ZNF420: variants seen among roughly 807,000 people sequenced by gnomAD.
The protein encoded by ZNF420 is zinc finger protein 420.
In ZNF420, 31 loss-of-function variants were observed where a neutral mutation model predicts 44.7. That is an observed-to-expected ratio of 0.69 (90% CI 0.52 to 0.94). ZNF420 has a LOEUF of 0.94. Among genes scored for constraint, ZNF420 ranks in the 40% least tolerant of loss-of-function variants. The probability of loss-of-function intolerance (pLI) is 0.00; values close to 1 mark genes in which losing one functional copy is unlikely to be tolerated. For synonymous variants in ZNF420, 245 were observed against 267.4 expected, an observed-to-expected ratio of 0.92 and a Z score of 0.82; for missense variants, 681 against 827.9, an observed-to-expected ratio of 0.82 and a Z score of 2.18.
At chr19:37,098,199 G>A (rs967663479) in intron 4 of ZNF420, among the ~76,000 whole-genome samples, 1 of 152,058 alleles carries the variant, frequency 6.6e-6, no homozygotes, top group Non-Finnish European at 1.5e-5. Context: ...CAATCTACCT[G>A]CCTTGGCCTC....
chr19:37,014,401 C>T (rs2074594217), intron 1 of ZNF420, among the ~76,000 whole-genome samples: 1 of 152,200 alleles, frequency 6.6e-6, no homozygotes, highest in South Asian at 2.1e-4. Context: ...CCCCATGGGA[C>T]CCGATTTCTG....
chr19:37,031,179 T>A (rs548755354), intron 1 of ZNF420, among the ~76,000 whole-genome samples: 35 of 152,188 alleles, frequency 2.3e-4, no homozygotes, highest in Non-Finnish European at 3.4e-4. Context: ...AGACTGAGCT[T>A]AGAGAAGAAC....
chr19:37,116,387 A>T (rs1255955432), intron 4 of ZNF420, among the ~76,000 whole-genome samples: 1 of 147,306 alleles, frequency 6.8e-6, no homozygotes, highest in Non-Finnish European at 1.5e-5. Flanking sequence ...AAAAAAAAAA[A>T]AAAGAATGCA....
chr19:37,079,553 A>G (rs897655675), intron 1 of ZNF420, among the ~76,000 whole-genome samples: 1 of 152,168 alleles, frequency 6.6e-6, no homozygotes, highest in Non-Finnish European at 1.5e-5. Flanking sequence ...TTACGAGTTC[A>G]CGACTTCTTC....
At chr19:37,109,943 TTTTG>T (rs1970298699) in intron 4 of ZNF420, 1 of 151,918 alleles carries the variant, frequency 6.6e-6, no homozygotes, top group Non-Finnish European at 1.5e-5. Context: ...TCCCCCTTCT[TTTTG>T]TTTAACTAAT....
At chr19:37,089,530 A>G (rs1969016857) in intron 3 of ZNF420, among the ~76,000 whole-genome samples, 1 of 152,206 alleles carries the variant, frequency 6.6e-6, no homozygotes. Context: ...GCAAGCGCTC[A>G]TGCTTTATGA....
At chr19:37,096,759 A>G (rs1969476591) in intron 4 of ZNF420, among the ~76,000 whole-genome samples, 1 of 151,982 alleles carries the variant, frequency 6.6e-6, no homozygotes, top group African/African-American at 2.4e-5. Context: ...CATCTGTCAT[A>G]TTTTTCCAGT....
At chr19:37,010,071 G>T (rs1209608284) in intron 1 of ZNF420, among the ~76,000 whole-genome samples, 1 of 152,210 alleles carries the variant, frequency 6.6e-6, no homozygotes, top group South Asian at 2.1e-4. Context: ...TAGGCAATGC[G>T]CATGCCCGAG....
intron 1 of ZNF420, among the ~76,000 whole-genome samples, chr19:37,062,240 A>T (rs909612530): frequency 6.6e-6 from 1 of 152,234 alleles, no homozygotes; most frequent in African/African-American, 2.4e-5. Flanking sequence ...AATATATTTA[A>T]GTGTAAGTAT....
intron 4 of ZNF420, among the ~76,000 whole-genome samples, chr19:37,118,289 A>G (rs2145273744): frequency 6.6e-6 from 1 of 152,356 alleles, no homozygotes; most frequent in Middle Eastern, 3.4e-3. Flanking sequence ...CAGAAACTCT[A>G]CAAGCCAGAA....
intron 4 of ZNF420, among the ~76,000 whole-genome samples, chr19:37,118,232 G>T (rs1970805992): frequency 6.6e-6 from 1 of 152,296 alleles, no homozygotes; most frequent in Non-Finnish European, 1.5e-5. Flanking sequence ...AGAAAGGTCA[G>T]GTTACCCACA....
chr19:37,073,565 C>T (rs1204840945), upstream of ZNF420, among the ~76,000 whole-genome samples: 1 of 151,606 alleles, frequency 6.6e-6, no homozygotes, highest in Admixed American at 6.6e-5. Context: ...ATGGTGAAAC[C>T]CTGTCTCTAC....
At chr19:37,077,261 G>A (rs192651082), upstream of ZNF420, among the ~76,000 whole-genome samples, 212 of 152,312 alleles carry the variant, frequency 1.4e-3, 3 homozygotes, top group African/African-American at 5.0e-3. Context: ...GTTTGACCTA[G>A]AATTTGGGAA....
intron 1 of ZNF420, among the ~76,000 whole-genome samples, chr19:37,071,769 C>G (rs1968062208): frequency 6.6e-6 from 1 of 151,856 alleles, no homozygotes. Context: ...CCACTGCACT[C>G]CAGCCTGGGC....
chr19:37,090,852 G>A lies in ZNF420; in HGVS notation c.10-143G>A, dbSNP rs1969093972. Reference sequence around the variant, plus strand: ...GGAGAATTGCTTGAACCTAGGAGGCGGAGGTTGCAGCGTGCCGAGATCGCG... The same window carrying A: ...GGAGAATTGCTTGAACCTAGGAGGCAGAGGTTGCAGCGTGCCGAGATCGCG... On this transcript the variant is annotated intron_variant, in intron 3 of 4. Transcript: ENST00000337995. 43 of 715,010 alleles carry A rather than the reference G, an allele frequency of 6.0e-5. No individual in the cohort carries two copies. In the South Asian group the frequency reaches 6.5e-4, roughly 11 times the overall value. 44.3% of individuals were successfully genotyped at this position (715,010 alleles called of 1,614,324 possible).
chr19:37,115,307 C>G (rs969107645), intron 4 of ZNF420: 1 of 152,958 alleles, frequency 6.5e-6, no homozygotes, highest in African/African-American at 2.4e-5. Context: ...GAAAAGTGGG[C>G]CCAGGGGACC....
At chr19:37,108,660 C>T (rs1970225457) in intron 4 of ZNF420, among the ~76,000 whole-genome samples, 1 of 152,160 alleles carries the variant, frequency 6.6e-6, no homozygotes, top group Non-Finnish European at 1.5e-5. Flanking sequence ...GGACCAGAAA[C>T]AGGACTTATT....
chr19:37,106,869 T>A (rs1599690156), intron 4 of ZNF420: 2 of 151,814 alleles, frequency 1.3e-5, no homozygotes, highest in South Asian at 4.2e-4. Context: ...GGGGAGAGGG[T>A]CAGCGGGAAA....
intron 1 of ZNF420, among the ~76,000 whole-genome samples, chr19:37,061,652 A>T (rs1309964095): frequency 6.6e-6 from 1 of 152,228 alleles, no homozygotes. Context: ...ATGTCTTTTT[A>T]TAAAAGAGCC....
Sources: gnomAD v4.1 joint callset for allele counts (sites outside exome capture counted in the v4.1 genomes callset) on GRCh38, gnomAD v4.1.1 for gene constraint, MANE v1.5 for transcripts, NCBI Gene and HGNC (gene_info 2026-07-23, HGNC 2026-07-21) for gene names.